The following METTL15 variants were observed in gnomAD, a reference collection of about 807,000 sequenced individuals.
METTL15 encodes 12S rRNA N(4)-cytidine methyltransferase METTL15.
In METTL15, 34 loss-of-function variants were observed where a neutral mutation model predicts 38.3. That is an observed-to-expected ratio of 0.89 (90% CI 0.68 to 1.18). The LOEUF is 1.18. METTL15 is among the 50% of genes most tolerant of loss of function. The pLI is 0.00. For missense variants in METTL15, 438 were observed against 498.4 expected, an observed-to-expected ratio of 0.88 and a Z score of 1.15; for synonymous variants, 162 against 170.9, an observed-to-expected ratio of 0.95 and a Z score of 0.41.
rs1854026676 is a variant in METTL15, at chr11:28,237,133, A to G, written c.407+25935A>G. 3.3e-5 allele frequency among the ~76,000 whole-genome samples: 5 copies of G among 152,082 alleles called. No homozygotes were observed. The South Asian group carries it at 1.0e-3, about 32-fold the overall frequency. On this transcript the variant is annotated intron_variant, in intron 4 of 6. Coordinates refer to ENST00000407364, the MANE Select transcript of METTL15 (RefSeq NM_001113528.2). ...TTGTGGCATTCTCTGTATTTCCTGA[A>G]TCTGAATGTTGGCCTGCCTTGCTAG... is the stretch of plus-strand genomic sequence containing the variant.
At chr11:28,366,145 G>A (rs1850183504) in intron 5 of METTL15, among the ~76,000 whole-genome samples, 1 of 152,050 alleles carries the variant, frequency 6.6e-6, no homozygotes, top group African/African-American at 2.4e-5. Context: ...ACTTTGCACT[G>A]GTCATAGATC....
At chr11:28,263,183 G>C (rs149969845) in intron 4 of METTL15, among the ~76,000 whole-genome samples, 17 of 151,978 alleles carry the variant, frequency 1.1e-4, no homozygotes, top group African/African-American at 3.1e-4. Flanking sequence ...CTGTCCTCTG[G>C]AATTGAGCCT....
chr11:28,176,561 A>C (rs1027898736), intron 3 of METTL15, among the ~76,000 whole-genome samples: 3 of 152,178 alleles, frequency 2.0e-5, no homozygotes, highest in Non-Finnish European at 4.4e-5. Context: ...TTAGAATAGC[A>C]TGTGGTACCT....
rs191138696 is a variant in METTL15 at position 28,388,895 on chromosome 11, T to C, written c.*358+26859T>C. On this transcript the variant is annotated intron_variant and NMD_transcript_variant, in intron 5 of 7. Transcript: ENST00000532947. ...CCCTTCCTGTGTCCATGTGTTCTCA[T>C]TGTTCAATTCCCACCTATGAGTGAG... is the stretch of plus-strand genomic sequence containing the variant. Among the ~76,000 whole-genome samples, 142 of 152,076 alleles carry C rather than the reference T, an allele frequency of 9.3e-4. 1 individual carries two copies. Among genetic ancestry groups the C allele is most frequent in the Non-Finnish European group, 1.7e-3 (116 of 67,966 alleles).
At chr11:28,205,327 A>G (rs1223602461) in intron 3 of METTL15, among the ~76,000 whole-genome samples, 3 of 148,396 alleles carry the variant, frequency 2.0e-5, no homozygotes, top group Middle Eastern at 3.6e-3. Context: ...TCCTTGTTCA[A>G]TTCCCACCTA....
intron 4 of METTL15, among the ~76,000 whole-genome samples, chr11:28,279,647 T>C (rs2133971033): frequency 6.6e-6 from 1 of 152,270 alleles, no homozygotes; most frequent in South Asian, 2.1e-4. Context: ...ACGCCTGTAA[T>C]CCCAGCACTT....
intron 5 of METTL15, among the ~76,000 whole-genome samples, chr11:28,379,411 A>G (rs531027381): frequency 7.9e-5 from 12 of 151,822 alleles, no homozygotes; most frequent in East Asian, 3.9e-4. Flanking sequence ...TTGTATTTCA[A>G]TTTTCATTTG....
chr11:28,126,681 A>G (rs1852503103), intron 3 of METTL15, among the ~76,000 whole-genome samples: 1 of 152,148 alleles, frequency 6.6e-6, no homozygotes, highest in Non-Finnish European at 1.5e-5. Flanking sequence ...GAAGATGTCT[A>G]TTAAGTTTCT....
In METTL15 at chr11:28,145,075, G is replaced by A. The variant is rs193087483; in HGVS notation, c.270+31471G>A. ...GCTCTGAATAGCTGTCAGGATCTCA[G>A]TAGGAGTTGGAGGAGTTAGCTCAAC... On this transcript the variant is annotated intron_variant, in intron 3 of 6. Coordinates refer to ENST00000407364, the MANE Select transcript of METTL15 (RefSeq NM_001113528.2). 1.1e-4 allele frequency: 18 copies of A among 162,312 alleles called. No individual in the cohort carries two copies. The East Asian group carries it at 3.1e-3, about 28-fold the overall frequency. The allele number at this position is 162,312 out of a possible 1,614,324, so 10.1% of individuals were successfully genotyped here.
chr11:28,238,010 C>T (rs1391449570), intron 4 of METTL15, among the ~76,000 whole-genome samples: 1 of 152,130 alleles, frequency 6.6e-6, no homozygotes, highest in Non-Finnish European at 1.5e-5. Flanking sequence ...TCAGTCTGCC[C>T]CTGCTGGAGG....
In METTL15 at chr11:28,323,602, CA is replaced by C. The variant is rs948412152; in HGVS notation, c.779-6793del. ...GCCAAGGTTCAGTTAAGAGCAAGGT[CA>C]GGGGATGTTGGAGGTGTTTGCATGA... On this transcript the variant is annotated intron_variant, in intron 6 of 6. Transcript: ENST00000407364. 4.6e-5 allele frequency among the ~76,000 whole-genome samples: 7 copies of C among 152,178 alleles called. 1 individual carries two copies. Among genetic ancestry groups the C allele is most frequent in the African/African-American group, 1.7e-4 (7 of 41,512 alleles).
chr11:28,489,909 A>G (rs1851479747), intron 6 of METTL15, among the ~76,000 whole-genome samples: 1 of 152,080 alleles, frequency 6.6e-6, no homozygotes, highest in Non-Finnish European at 1.5e-5. Flanking sequence ...GAGAAGAAAG[A>G]AAAGTAAACT....
chr11:28,259,410 C>G (rs1291160896), intron 4 of METTL15, among the ~76,000 whole-genome samples: 1 of 152,108 alleles, frequency 6.6e-6, no homozygotes, highest in Non-Finnish European at 1.5e-5. Flanking sequence ...ATGTACCCGC[C>G]AAGTCCAGTG....
At chr11:28,145,442 A>C (rs1349466194) in intron 3 of METTL15, 1 of 151,918 alleles carries the variant, frequency 6.6e-6, no homozygotes, top group East Asian at 1.9e-4. Flanking sequence ...TGGATCTCTT[A>C]TTGGTAATTT....
At chr11:28,438,676 T>C (rs1212277764) in intron 6 of METTL15, among the ~76,000 whole-genome samples, 28 of 143,408 alleles carry the variant, frequency 2.0e-4, no homozygotes, top group East Asian at 1.8e-3. Context: ...TTTTTTCTTT[T>C]TTTTTTTTTT....
chr11:28,455,064 A>G (rs1851156019), intron 6 of METTL15, among the ~76,000 whole-genome samples: 2 of 152,002 alleles, frequency 1.3e-5, no homozygotes, highest in African/African-American at 2.4e-5. Context: ...GTTCCAAGAT[A>G]CTCAGGTCCC....
At chr11:28,299,059 T>A (rs1486732058) in intron 6 of METTL15, among the ~76,000 whole-genome samples, 2 of 152,210 alleles carry the variant, frequency 1.3e-5, no homozygotes, top group Non-Finnish European at 2.9e-5. Context: ...AAAATTCTCT[T>A]TCCTATTTAT....
intron 4 of METTL15, among the ~76,000 whole-genome samples, chr11:28,280,314 G>A (rs1856006612): frequency 6.6e-6 from 1 of 152,034 alleles, no homozygotes. Flanking sequence ...TTTAATTTTT[G>A]ATGGAAATTT....
intron 5 of METTL15, among the ~76,000 whole-genome samples, chr11:28,373,678 C>A (rs995530630): frequency 1.3e-5 from 2 of 152,124 alleles, no homozygotes; most frequent in African/African-American, 4.8e-5. Flanking sequence ...AATTAAATCC[C>A]ATTTGTCAAT....
Sources: allele counts gnomAD v4.1 joint callset (sites outside exome capture counted in the v4.1 genomes callset), GRCh38; gene constraint gnomAD v4.1.1; transcripts MANE v1.5; gene names NCBI Gene and HGNC (gene_info 2026-07-23, HGNC 2026-07-21).